Variants in TMEM231 observed in about 807,000 individuals in gnomAD.
TMEM231 encodes transmembrane protein 231.
A neutral mutation model predicts 38.5 loss-of-function variants in TMEM231; 40 were observed. That is an observed-to-expected ratio of 1.04 (90% confidence interval 0.81 to 1.35). The LOEUF (loss-of-function observed/expected upper bound fraction) is 1.35. Among genes scored for constraint, TMEM231 ranks in the 40% most tolerant of loss-of-function variants. TMEM231 has a pLI of 0.00. For missense variants in TMEM231, 420 were observed against 416.9 expected, an observed-to-expected ratio of 1.01 and a Z score of -0.07; for synonymous variants, 199 against 181.7, an observed-to-expected ratio of 1.10 and a Z score of -0.77.
rs200581224 is a variant in TMEM231, at chr16:75,541,474, C to G, written c.665-19G>C. ...GTGGTAACTGCAATGCAATCATTAA[C>G]CATTAACCACGATGGCTGTTTGACT... On this transcript the variant is annotated intron_variant, in intron 5 of 6. Transcript: ENST00000258173. 1.2e-5 allele frequency: 18 copies of G among 1,542,280 alleles called. No homozygotes were observed. In the East Asian group the frequency reaches 3.7e-4, roughly 32 times the overall value.
At chr16:75,555,731 C>G in intron 2 of TMEM231, 73 bp downstream of exon 2, 4 of 1,406,610 alleles carry the variant, frequency 2.8e-6, no homozygotes, top group Middle Eastern at 2.6e-4. Context: ...GCCGCTCGCC[C>G]CACATCCTCA....
intron 2 of TMEM231, among the ~76,000 whole-genome samples, chr16:75,546,462 A>G (rs1444370798): frequency 6.7e-6 from 1 of 149,688 alleles, no homozygotes; most frequent in Non-Finnish European, 1.5e-5. Flanking sequence ...TTTTTTTTTG[A>G]GCCGGGGTCT....
chr16:75,538,623 A>G lies in TMEM231; in HGVS notation c.*1371T>C, dbSNP rs1003683021. ...TAAGCCTAAAGGAGCACTAAAAACG[A>G]CAACTGATCTCCAAAGTAAACTGAG... On this transcript the variant is annotated 3_prime_UTR_variant, in exon 7 of 7. Coordinates refer to ENST00000258173, the MANE Select transcript of TMEM231 (RefSeq NM_001077418.3). 1.3e-5 allele frequency: 2 copies of G among 152,170 alleles called. No homozygotes were observed. The highest frequency in any genetic ancestry group is 4.8e-5 in the African/African-American group (2 of 41,428). The allele number at this position is 152,170 out of a possible 1,614,324, so 9.4% of individuals were successfully genotyped here.
chr16:75,541,743 C>G (rs936480003), intron 5 of TMEM231: 1 of 212,050 alleles, frequency 4.7e-6, no homozygotes, highest in South Asian at 1.6e-4. Flanking sequence ...AGTATCACAG[C>G]TTTGTAGCTG....
At chr16:75,550,130 C>G (rs1306296137) in intron 2 of TMEM231, among the ~76,000 whole-genome samples, 2 of 152,178 alleles carry the variant, frequency 1.3e-5, no homozygotes, top group Non-Finnish European at 2.9e-5. Context: ...ACACCTAGGA[C>G]TAGAGAAGAA....
At chr16:75,554,556 AAAAAAAAG>A (rs934377781) in intron 2 of TMEM231, among the ~76,000 whole-genome samples, 3 of 149,416 alleles carry the variant, frequency 2.0e-5, no homozygotes, top group Admixed American at 6.9e-5. Flanking sequence ...AAAAAAAAAA[AAAAAAAAG>A]AAAAGAAAAG....
At position 75,556,241 on chromosome 16, in the gene TMEM231, G is replaced by A. The variant is rs771879320; in HGVS notation, c.-32C>T. The stretch of plus-strand genomic sequence containing the variant: ...CGCTCGCAGGCACTCCGCGAGCCGG[G>A]GGACCAAGTTTGGCTTCTCCTGGTT... On this transcript the variant is annotated 5_prime_UTR_variant, in exon 1 of 7. Coordinates refer to ENST00000258173, the MANE Select transcript of TMEM231 (RefSeq NM_001077418.3). 7 of 1,395,176 alleles carry A rather than the reference G, an allele frequency of 5.0e-6. No individual in the cohort carries two copies. Among genetic ancestry groups the A allele is most frequent in the Non-Finnish European group, 6.5e-6 (7 of 1,079,058 alleles). 86.4% of individuals were successfully genotyped at this position (1,395,176 alleles called of 1,614,324 possible). A position where few individuals can be genotyped will look rare whatever the true frequency, so the allele number is the denominator to read the frequency against.
intron 2 of TMEM231, among the ~76,000 whole-genome samples, chr16:75,553,401 C>T (rs1361101212): frequency 2.0e-5 from 3 of 151,862 alleles, no homozygotes; most frequent in East Asian, 3.9e-4. Context: ...AGTGTATTAC[C>T]AGAGTTGAGG....
chr16:75,539,236 G>A lies in TMEM231; in HGVS notation c.*758C>T, dbSNP rs2080593029. ...TGCTTTCTTCCCCCAGTGCTGCTGA[G>A]GGGGCTGAGAATGAAACAGCCCCTC... On this transcript the variant is annotated 3_prime_UTR_variant, in exon 7 of 7. Transcript: ENST00000258173. 1 of 152,114 alleles carries A rather than the reference G, an allele frequency of 6.6e-6. No individual in the cohort carries two copies. Among genetic ancestry groups the A allele is most frequent in the South Asian group, 2.1e-4 (1 of 4,830 alleles). 9.4% of individuals were successfully genotyped at this position (152,114 alleles called of 1,614,324 possible).
At chr16:75,540,900 T>C (rs182995461) in intron 6 of TMEM231, among the ~76,000 whole-genome samples, 126 of 152,360 alleles carry the variant, frequency 8.3e-4, no homozygotes, top group African/African-American at 2.9e-3. Flanking sequence ...GCCATTTTTA[T>C]GAGGCTATAA....
At position 75,555,928 on chromosome 16, in the gene TMEM231, C is replaced by G; in HGVS notation, c.185G>C (p.Arg62Pro). ...RSSYEEQPTVRFQHQVLLVAL... is the reference protein window; with the variant it reads ...RSSYEEQPTVPFQHQVLLVAL... ...CACGAGCAGCACCTGGTGTTGGAAG[C>G]GCACGGTCGGCTGCTCCTCGTAGCT... is the stretch of plus-strand genomic sequence containing the variant. Residue 62 changes from arginine to proline, a missense_variant, in exon 2 of 7, where the codon CGC becomes CCC. Arg to Pro is a moderately radical substitution (Grantham distance 103). Coordinates refer to ENST00000258173, the MANE Select transcript of TMEM231 (RefSeq NM_001077418.3). The G allele has an allele frequency of 6.2e-7, 1 of 1,604,408 alleles. No homozygotes were observed. The highest frequency in any genetic ancestry group is 8.5e-7 in the Non-Finnish European group (1 of 1,176,000).
Position 75,555,827 on chromosome 16 carries a change from G to T in TMEM231, c.286C>A (p.Arg96Ser), listed in dbSNP as rs1342931755. 5 of 1,563,482 alleles carry T rather than the reference G, an allele frequency of 3.2e-6. No individual in the cohort carries two copies. The highest frequency in any genetic ancestry group is 1.8e-4 in the Middle Eastern group (1 of 5,546). The change falls in exon 2 of 7, where the codon CGC becomes AGC. Residue 96 changes from arginine (R) to serine (S), a missense_variant. Arg to Ser is a moderately radical substitution (Grantham distance 110). Coordinates refer to ENST00000258173, the MANE Select transcript of TMEM231 (RefSeq NM_001077418.3). ...ACCGAAACGAGCGGGACGCGCAGGCGATCCCCTTGCAGCCGGTTGAAGGCG... is the reference window on the plus strand; with the variant it reads ...ACCGAAACGAGCGGGACGCGCAGGCTATCCCCTTGCAGCCGGTTGAAGGCG... ...FPAFNRLQGD[R>S]LRVPLVSTRE...
intron 2 of TMEM231, among the ~76,000 whole-genome samples, chr16:75,549,080 G>A (rs548267381): frequency 9.1e-4 from 139 of 152,242 alleles, no homozygotes; most frequent in African/African-American, 3.1e-3. Context: ...AGGGTGGAGA[G>A]AGGGGGGAGA....
chr16:75,555,842 G>A lies in TMEM231; in HGVS notation c.271C>T (p.Arg91Trp). The A allele has an allele frequency of 6.3e-7, 1 of 1,577,430 alleles. No individual in the cohort carries two copies. Among genetic ancestry groups the A allele is most frequent in the Non-Finnish European group, 8.6e-7 (1 of 1,161,958 alleles). The change falls in exon 2 of 7, where the codon CGG (arginine) becomes TGG (tryptophan). Residue 91 changes from arginine to tryptophan, a missense_variant. By Grantham distance (101) the Arg-to-Trp change is moderately radical (BLOSUM62 -3). Coordinates refer to ENST00000258173, the MANE Select transcript of TMEM231 (RefSeq NM_001077418.3). ...ACGCGCAGGCGATCCCCTTGCAGCCGGTTGAAGGCGGGGAACGTGCTCCAG... is the reference window on the plus strand; with the variant it reads ...ACGCGCAGGCGATCCCCTTGCAGCCAGTTGAAGGCGGGGAACGTGCTCCAG... ...LAWSTFPAFN[R>W]LQGDRLRVPL...
intron 4 of TMEM231, among the ~76,000 whole-genome samples, chr16:75,545,030 A>ACTG (rs2080669448): frequency 7.6e-6 from 1 of 131,934 alleles, no homozygotes; most frequent in Non-Finnish European, 1.5e-5. Context: ...ATCTCAGCTC[A>ACTG]CTGTAACCTC....
intron 2 of TMEM231, among the ~76,000 whole-genome samples, chr16:75,548,184 C>T (rs1323622368): frequency 6.6e-6 from 1 of 152,120 alleles, no homozygotes; most frequent in Non-Finnish European, 1.5e-5. Flanking sequence ...CAAATCTGGT[C>T]CTCTTTTTAG....
chr16:75,545,482 A>C lies in TMEM231; in HGVS notation c.452T>G (p.Leu151Arg). Residue 151 changes from leucine (L) to arginine (R), a missense_variant, in exon 4 of 7, where the codon CTC becomes CGC. By Grantham distance (102) the Leu-to-Arg change is moderately radical. Transcript: ENST00000258173. Reference protein sequence around the residue: ...FSYRLHRMATLVMQSMAFLQS... With the variant: ...FSYRLHRMATRVMQSMAFLQS... ...GAGAAACGCCATGCTCTGCATCACG[A>C]GGGTCGCCATCCTCTGAAATCATTA... The C allele has an allele frequency of 1.9e-6, 3 of 1,570,284 alleles. No homozygotes were observed. Among genetic ancestry groups the C allele is most frequent in the Non-Finnish European group, 2.6e-6 (3 of 1,154,736 alleles).
chr16:75,549,072 G>T (rs2080725885), intron 2 of TMEM231, among the ~76,000 whole-genome samples: 1 of 152,074 alleles, frequency 6.6e-6, no homozygotes, highest in Non-Finnish European at 1.5e-5. Context: ...AGGAGAGCAG[G>T]GTGGAGAGAG....
At position 75,555,947 on chromosome 16, in the gene TMEM231, C is replaced by T. The variant is rs771783989; in HGVS notation, c.166G>A (p.Glu56Lys). 6.2e-7 allele frequency: 1 copy of T among 1,604,004 alleles called. No homozygotes were observed. Among genetic ancestry groups the T allele is most frequent in the South Asian group, 1.1e-5 (1 of 89,128 alleles). Residue 56 changes from glutamate to lysine, a missense_variant, in exon 2 of 7, where the codon GAG becomes AAG. Coordinates refer to ENST00000258173, the MANE Select transcript of TMEM231 (RefSeq NM_001077418.3). ...TGGAAGCGCACGGTCGGCTGCTCCT[C>T]GTAGCTGCTCCGCTTCAGCCAAAAC... ...HGFWLKRSSY[E>K]EQPTVRFQHQ...
Sources: allele counts gnomAD v4.1 joint callset (sites outside exome capture counted in the v4.1 genomes callset), GRCh38; gene constraint gnomAD v4.1.1; transcripts MANE v1.5; gene names NCBI Gene and HGNC (gene_info 2026-07-23, HGNC 2026-07-21).